The following PRKG2 variants were observed in gnomAD, a reference collection of about 807,000 sequenced individuals.
The protein encoded by PRKG2 is protein kinase cGMP-dependent 2.
A neutral mutation model predicts 97.2 loss-of-function variants in PRKG2; 33 were observed. The observed-to-expected ratio is 0.34, with a 90% CI of 0.26 to 0.45. The LOEUF (loss-of-function observed/expected upper bound fraction) is 0.45. Ranked by LOEUF, PRKG2 falls within the 20% of genes least tolerant of loss-of-function variation. The pLI, the probability that PRKG2 is intolerant of heterozygous loss-of-function variation, is 1.00. For synonymous variants in PRKG2, 330 were observed against 321.8 expected, an observed-to-expected ratio of 1.03 and a Z score of -0.27; for missense variants, 638 against 900.0, an observed-to-expected ratio of 0.71 and a Z score of 3.73.
At position 81,206,243 on chromosome 4, in the gene PRKG2, A is replaced by G. The variant is rs1029259249; in HGVS notation, c.-13-1183T>C. On this transcript the variant is annotated intron_variant, in intron 1 of 18. Transcript: ENST00000264399. Reference sequence around the variant, plus strand: ...TTAAACTTCATATTTTTGCACATGCAGTTTTTGACAGCTGATATCATTTGG... The same window carrying G: ...TTAAACTTCATATTTTTGCACATGCGGTTTTTGACAGCTGATATCATTTGG... 2.0e-5 allele frequency among the ~76,000 whole-genome samples: 3 copies of G among 152,192 alleles called. No individual in the cohort carries two copies. In the South Asian group the frequency reaches 6.2e-4, roughly 31 times the overall value.
chr4:81,100,590 AGAC>A (rs1270008016), intron 17 of PRKG2, among the ~76,000 whole-genome samples: 1 of 152,234 alleles, frequency 6.6e-6, no homozygotes, highest in Non-Finnish European at 1.5e-5. Flanking sequence ...CTTAAACGTT[AGAC>A]CTAGAACCAT....
Position 81,204,949 on chromosome 4 carries a change from C to A in PRKG2, c.99G>T (p.Leu33=), listed in dbSNP as rs747411480. The A allele has an allele frequency of 6.2e-7, 1 of 1,614,150 alleles. No homozygotes were observed. ...CATCCTTCCTCCTCAACTCTCTCTC[C>A]AGCTCTGTCACCTTGTTCCGCAGAG... is the stretch of plus-strand genomic sequence containing the variant. ...TDALRNKVTE[L]ERELRRKDAE... Residue 33 remains leucine (L), a synonymous_variant, in exon 2 of 19, where the codon CTG becomes CTT. Transcript: ENST00000264399.
intron 15 of PRKG2, 125 bp downstream of exon 15, chr4:81,110,323 G>A: frequency 1.0e-6 from 1 of 986,498 alleles, no homozygotes; most frequent in South Asian, 1.9e-5. Context: ...TGAGAAAAAG[G>A]TATCATACTT....
At chr4:81,213,362 A>G (rs1422417867) in intron 1 of PRKG2, among the ~76,000 whole-genome samples, 1 of 152,138 alleles carries the variant, frequency 6.6e-6, no homozygotes, top group African/African-American at 2.4e-5. Flanking sequence ...GCAAACCACA[A>G]AGGAGAAGGA....
intron 15 of PRKG2, among the ~76,000 whole-genome samples, chr4:81,106,391 G>C (rs1743343151): frequency 6.6e-6 from 1 of 152,188 alleles, no homozygotes; most frequent in African/African-American, 2.4e-5. Context: ...CCTGCATAGT[G>C]AAGTGGGCAG....
intron 2 of PRKG2, among the ~76,000 whole-genome samples, chr4:81,200,225 T>A (rs1459379824): frequency 2.6e-5 from 4 of 152,230 alleles, no homozygotes; most frequent in Non-Finnish European, 5.9e-5. Flanking sequence ...CTATGTGAGC[T>A]CTTCCCTGCC....
At chr4:81,136,780 T>G (rs1467838561) in intron 13 of PRKG2, among the ~76,000 whole-genome samples, 1 of 152,170 alleles carries the variant, frequency 6.6e-6, no homozygotes, top group African/African-American at 2.4e-5. Flanking sequence ...CACTAAACAA[T>G]GAAATGTTTT....
chr4:81,119,957 G>A (rs967150596), intron 14 of PRKG2, among the ~76,000 whole-genome samples: 2 of 152,138 alleles, frequency 1.3e-5, no homozygotes, highest in African/African-American at 4.8e-5. Context: ...TGAATTTATA[G>A]ATCAAGTTGG....
chr4:81,204,047 C>T (rs894121554), intron 2 of PRKG2, among the ~76,000 whole-genome samples: 4 of 152,020 alleles, frequency 2.6e-5, no homozygotes, highest in African/African-American at 7.2e-5. Context: ...TACTGTTTAC[C>T]GCCCCTGCTA....
intron 15 of PRKG2, among the ~76,000 whole-genome samples, chr4:81,110,190 C>T (rs1188524455): frequency 6.6e-6 from 1 of 152,120 alleles, no homozygotes; most frequent in Non-Finnish European, 1.5e-5. Flanking sequence ...AATTTGTTAT[C>T]TACAGTAATA....
At position 81,150,808 on chromosome 4, in the gene PRKG2, T is replaced by C. The variant is rs368518392; in HGVS notation, c.1085+1152A>G. Among the ~76,000 whole-genome samples the C allele has an allele frequency of 3.3e-4, 51 of 152,252 alleles. 1 individual carries two copies. The South Asian group carries it at 0.01, about 31-fold the overall frequency. On this transcript the variant is annotated intron_variant, in intron 8 of 18. Transcript: ENST00000264399. ...AAGACACTGAAGCCCTGGATAATGA[T>C]ATTACATTATTATATTGCATGAATG...
chr4:81,196,131 C>G (rs1752947727), intron 2 of PRKG2, among the ~76,000 whole-genome samples: 1 of 152,176 alleles, frequency 6.6e-6, no homozygotes, highest in Non-Finnish European at 1.5e-5. Flanking sequence ...CCTCTAGGAG[C>G]TGAGAGCAGC....
intron 14 of PRKG2, among the ~76,000 whole-genome samples, chr4:81,116,646 A>G (rs1744557959): frequency 6.6e-6 from 1 of 152,140 alleles, no homozygotes; most frequent in African/African-American, 2.4e-5. Flanking sequence ...CAGCAGTGTA[A>G]GTGTTCTCTT....
At chr4:81,181,708 T>A (rs1348399) in intron 2 of PRKG2, among the ~76,000 whole-genome samples, 63,552 of 151,550 alleles carry the variant, frequency 0.42, 18,755 homozygotes, top group African/African-American at 0.82. Context: ...GATATTACAG[T>A]TATAAAAAAA....
intron 9 of PRKG2, 97 bp downstream of exon 9, chr4:81,148,787 T>C: frequency 9.8e-7 from 1 of 1,023,222 alleles, no homozygotes; most frequent in Non-Finnish European, 1.5e-6. Flanking sequence ...TATTTCCAAG[T>C]GGTGATGAAT....
At chr4:81,203,669 C>T (rs1560627087) in intron 2 of PRKG2, among the ~76,000 whole-genome samples, 1 of 152,090 alleles carries the variant, frequency 6.6e-6, no homozygotes, top group Admixed American at 6.5e-5. Flanking sequence ...TGAGTCTTCC[C>T]TGACCCAGAA....
At chr4:81,154,765 C>CG (rs1748843119) in intron 6 of PRKG2, among the ~76,000 whole-genome samples, 1 of 152,178 alleles carries the variant, frequency 6.6e-6, no homozygotes. Flanking sequence ...CAAAGCTGGA[C>CG]GGAGAATGAC....
intron 18 of PRKG2, among the ~76,000 whole-genome samples, chr4:81,090,028 G>C (rs1048733704): frequency 5.3e-5 from 8 of 152,074 alleles, no homozygotes; most frequent in African/African-American, 1.9e-4. Flanking sequence ...ACATTCAATA[G>C]TAACTACCTG....
intron 2 of PRKG2, among the ~76,000 whole-genome samples, chr4:81,177,037 G>A (rs760860864): frequency 7.2e-5 from 11 of 152,118 alleles, no homozygotes; most frequent in Middle Eastern, 3.4e-3. Context: ...TGCCTTAAGA[G>A]ATGGAACATG....
Sources: allele counts gnomAD v4.1 joint callset (sites outside exome capture counted in the v4.1 genomes callset), GRCh38; gene constraint gnomAD v4.1.1; transcripts MANE v1.5; gene names NCBI Gene and HGNC (gene_info 2026-07-23, HGNC 2026-07-21).